FBXL4: variants seen among roughly 807,000 people sequenced by gnomAD.
FBXL4 encodes F-box/LRR-repeat protein 4.
FBXL4 carries 40 observed loss-of-function variants against 58.9 expected under a neutral mutation model. The ratio of observed to expected loss-of-function variants is 0.68; its 90% CI spans 0.53 to 0.88. FBXL4 has a LOEUF of 0.88. Among genes scored for constraint, FBXL4 ranks in the 40% least tolerant of loss-of-function variants. The pLI, the probability that FBXL4 is intolerant of heterozygous loss-of-function variation, is 0.00. For missense variants in FBXL4, 676 were observed against 734.4 expected, an observed-to-expected ratio of 0.92 and a Z score of 0.92; for synonymous variants, 263 against 265.5, an observed-to-expected ratio of 0.99 and a Z score of 0.09.
chr6:98,870,821 C>T lies in FBXL4; in HGVS notation c.*3457G>A, dbSNP rs1452615858. On this transcript the variant is annotated 3_prime_UTR_variant, in exon 10 of 10. Coordinates refer to ENST00000369244, the MANE Select transcript of FBXL4 (RefSeq NM_001278716.2). ...GGGAGGTCAGATGCAGTGGTTCATG[C>T]CTGTAATCCAAGCATTTTGGGAGGC... 1 of 152,142 alleles carries T rather than the reference C, an allele frequency of 6.6e-6. No homozygotes were observed. Among genetic ancestry groups the T allele is most frequent in the Non-Finnish European group, 1.5e-5 (1 of 68,044 alleles). The allele number at this position is 152,142 out of a possible 1,614,324, so 9.4% of individuals were successfully genotyped here.
chr6:98,939,589 T>C (rs924281712), intron 1 of FBXL4, among the ~76,000 whole-genome samples: 1 of 152,222 alleles, frequency 6.6e-6, no homozygotes, highest in Non-Finnish European at 1.5e-5. Flanking sequence ...TTTTTCACAG[T>C]GGTCCTTTTG....
rs55967712 is a variant in FBXL4 at position 98,941,227 on chromosome 6, G to GAA, written c.-308-6350_-308-6349dup. Among the ~76,000 whole-genome samples the GAA allele has an allele frequency of 1.3e-3, 186 of 143,826 alleles. 2 individuals are homozygous for GAA. The East Asian group carries it at 0.029, about 23-fold the overall frequency. The allele number at this position is 143,826 out of a possible 152,430, so 94.4% of individuals were successfully genotyped here. On this transcript the variant is annotated intron_variant, in intron 1 of 9. Transcript: ENST00000369244. Reference sequence around the variant, plus strand: ...ATCCATACAATGAGTTACTACTCAGGAAAAAAAAAAAGAAAGAACCACCAA... The same window carrying GAA: ...ATCCATACAATGAGTTACTACTCAGGAAAAAAAAAAAAAGAAAGAACCACCAA...
At chr6:98,878,626 A>G (rs1770738718) in intron 8 of FBXL4, among the ~76,000 whole-genome samples, 2 of 152,150 alleles carry the variant, frequency 1.3e-5, no homozygotes, top group African/African-American at 4.8e-5. Context: ...AAATAATACA[A>G]TTTCAATTAT....
At chr6:98,919,052 GA>G (rs80321576) in intron 4 of FBXL4, among the ~76,000 whole-genome samples, 11 of 147,210 alleles carry the variant, frequency 7.5e-5, no homozygotes, top group Admixed American at 2.0e-4. Context: ...GAAACTGAAA[GA>G]AAAAAAAAAT....
intron 5 of FBXL4, among the ~76,000 whole-genome samples, chr6:98,915,335 G>A (rs1772295767): frequency 6.6e-6 from 1 of 152,036 alleles, no homozygotes; most frequent in Non-Finnish European, 1.5e-5. Flanking sequence ...AGTTCATATG[G>A]AAACAAAAAA....
intron 7 of FBXL4, chr6:98,898,347 A>G (rs1307240784): frequency 1.0e-6 from 1 of 985,334 alleles, no homozygotes; most frequent in African/African-American, 1.7e-5. Context: ...ATACTCTTTA[A>G]CCTAGCAATA....
Position 98,926,879 on chromosome 6 carries a change from G to C in FBXL4, c.110C>G (p.Ala37Gly). The change falls in exon 4 of 10, where the codon GCT becomes GGT. Residue 37 changes from alanine to glycine, a missense_variant. Transcript: ENST00000369244. ...GGAAGTCTGGCTGTTTGATTCTATA[G>C]CTCTATGGGTGTTCATCATTTCTCC... Reference protein sequence around the residue: ...TRGEMMNTHRAIESNSQTSPL... With the variant: ...TRGEMMNTHRGIESNSQTSPL... 6.2e-7 allele frequency: 1 copy of C among 1,614,136 alleles called. No individual in the cohort carries two copies. Among genetic ancestry groups the C allele is most frequent in the Non-Finnish European group, 8.5e-7 (1 of 1,180,020 alleles).
intron 8 of FBXL4, among the ~76,000 whole-genome samples, chr6:98,875,956 G>T (rs1034911129): frequency 2.6e-5 from 4 of 152,154 alleles, no homozygotes; most frequent in African/African-American, 4.8e-5. Context: ...CCAGACAGAA[G>T]ATGTTAATGA....
chr6:98,908,434 G>T (rs1433029952), intron 5 of FBXL4, among the ~76,000 whole-genome samples: 1 of 152,126 alleles, frequency 6.6e-6, no homozygotes, highest in African/African-American at 2.4e-5. Flanking sequence ...TGTATGTCCT[G>T]CTTTTTTTCC....
chr6:98,926,127 T>G (rs1772768905), intron 4 of FBXL4, among the ~76,000 whole-genome samples: 1 of 152,194 alleles, frequency 6.6e-6, no homozygotes. Context: ...GATTTAAAAG[T>G]AGTAACATGA....
At chr6:98,935,714 G>A (rs904950105) in intron 1 of FBXL4, among the ~76,000 whole-genome samples, 5 of 150,800 alleles carry the variant, frequency 3.3e-5, no homozygotes, top group Non-Finnish European at 5.9e-5. Flanking sequence ...GCGTGAACCC[G>A]GGAAGCGGAG....
chr6:98,869,107 T>C lies in FBXL4; in HGVS notation c.*5171A>G, dbSNP rs908194225. The C allele has an allele frequency of 1.3e-5, 2 of 152,180 alleles. No individual in the cohort carries two copies. Among genetic ancestry groups the C allele is most frequent in the African/African-American group, 2.4e-5 (1 of 41,450 alleles). The allele number at this position is 152,180 out of a possible 1,614,324, so 9.4% of individuals were successfully genotyped here. On this transcript the variant is annotated 3_prime_UTR_variant, in exon 10 of 10. Transcript: ENST00000369244. Reference sequence around the variant, plus strand: ...CTCACAGCCTAGGTTTCTAGTAGTATGTTGTCAAAAAAAGCAAATGAGGTG... The same window carrying C: ...CTCACAGCCTAGGTTTCTAGTAGTACGTTGTCAAAAAAAGCAAATGAGGTG...
At chr6:98,933,246 G>T (rs1773080680) in intron 2 of FBXL4, among the ~76,000 whole-genome samples, 1 of 152,042 alleles carries the variant, frequency 6.6e-6, no homozygotes, top group Admixed American at 6.5e-5. Context: ...GCCCCCTCTT[G>T]CCTCTGGTAA....
intron 5 of FBXL4, among the ~76,000 whole-genome samples, chr6:98,913,290 A>C (rs565475237): frequency 0.07 from 10,643 of 151,612 alleles, 557 homozygotes; most frequent in East Asian, 0.27. Flanking sequence ...TAACAAGGAT[A>C]CCCAGAAATT....
intron 5 of FBXL4, among the ~76,000 whole-genome samples, chr6:98,910,375 CG>C (rs1413312134): frequency 6.6e-6 from 1 of 152,102 alleles, no homozygotes; most frequent in East Asian, 1.9e-4. Flanking sequence ...AATTCCAGGC[CG>C]GGCACGGTGG....
rs372162469 is a variant in FBXL4, at chr6:98,913,143, T to C, written c.858+4231A>G. Among the ~76,000 whole-genome samples, 153 of 152,294 alleles carry C rather than the reference T, an allele frequency of 1.0e-3. 4 individuals are homozygous for C. In the South Asian group the frequency reaches 0.024, roughly 24 times the overall value. ...AAGAGCTAACTGTCCTAAATATATA[T>C]GCATCCAATACAGGAGCACCCAGAT... On this transcript the variant is annotated intron_variant, in intron 5 of 9. Coordinates refer to ENST00000369244, the MANE Select transcript of FBXL4 (RefSeq NM_001278716.2).
At chr6:98,939,865 T>G (rs1773368692) in intron 1 of FBXL4, among the ~76,000 whole-genome samples, 1 of 152,222 alleles carries the variant, frequency 6.6e-6, no homozygotes. Context: ...GACAAACTGC[T>G]CATGTGTCGA....
intron 5 of FBXL4, among the ~76,000 whole-genome samples, chr6:98,909,899 G>A (rs1192973369): frequency 6.6e-6 from 1 of 152,174 alleles, no homozygotes; most frequent in Non-Finnish European, 1.5e-5. Context: ...TCACCTTTAT[G>A]TGGCAACTTT....
chr6:98,887,690 T>C (rs1270324521), intron 7 of FBXL4, among the ~76,000 whole-genome samples: 1 of 152,186 alleles, frequency 6.6e-6, no homozygotes, highest in Non-Finnish European at 1.5e-5. Flanking sequence ...TAACTGATCT[T>C]TGCTGAATAA....
Sources: allele counts gnomAD v4.1 joint callset (sites outside exome capture counted in the v4.1 genomes callset), GRCh38; gene constraint gnomAD v4.1.1; transcripts MANE v1.5; gene names NCBI Gene and HGNC (gene_info 2026-07-23, HGNC 2026-07-21).